Variants in PSG4 observed in about 807,000 individuals in gnomAD.
The protein encoded by PSG4 is pregnancy specific beta-1-glycoprotein 4, also known as pregnancy-specific beta-1-glycoprotein 4.
A neutral mutation model predicts 44.3 loss-of-function variants in PSG4; 61 were observed. That is an observed-to-expected ratio of 1.38 (90% CI 1.12 to 1.70). The LOEUF (loss-of-function observed/expected upper bound fraction) is 1.70, where lower values mean the gene tolerates loss of function less well. Ranked by LOEUF, PSG4 falls within the 40% of genes most tolerant of loss-of-function variation. PSG4 has a pLI of 0.00. For missense variants in PSG4, 677 were observed against 511.7 expected, an observed-to-expected ratio of 1.32 and a Z score of -3.12; for synonymous variants, 248 against 191.3, an observed-to-expected ratio of 1.30 and a Z score of -2.45.
At chr19:43,203,148 A>G (rs1263163790) in intron 2 of PSG4, 1 of 146,548 alleles carries the variant, frequency 6.8e-6, no homozygotes, top group Non-Finnish European at 1.5e-5. Context: ...CTTCCATGAG[A>G]AAACACCTTT....
chr19:43,196,791 T>G (rs911394153), intron 3 of PSG4: 3 of 151,190 alleles, frequency 2.0e-5, no homozygotes, highest in Non-Finnish European at 4.4e-5. Flanking sequence ...TGCCTCTTTT[T>G]CTCAGTGTTT....
intron 1 of PSG4, chr19:43,204,521 C>A: frequency 4.6e-6 from 2 of 433,770 alleles, no homozygotes; most frequent in Non-Finnish European, 7.7e-6. Context: ...TCCGCACGGC[C>A]CCCTCCACAC....
Position 43,197,327 on chromosome 19 carries a change from C to A in PSG4, c.709+670G>T, listed in dbSNP as rs918041069. Among the ~76,000 whole-genome samples, 5 of 145,562 alleles carry A rather than the reference C, an allele frequency of 3.4e-5. 2 individuals are homozygous for A. The highest frequency in any genetic ancestry group is 1.3e-4 in the African/African-American group (5 of 37,942). ...ACTGGAAAACATATTGCCAATGCTC[C>A]AGGGATCCACTTACCAGGCACTATG... On this transcript the variant is annotated intron_variant, in intron 3 of 5. Coordinates refer to ENST00000405312, the MANE Select transcript of PSG4 (RefSeq NM_002780.5).
Position 43,204,108 on chromosome 19 carries a change from C to T in PSG4, c.208G>A (p.Gly70Arg), listed in dbSNP as rs1187669473. ...QNLAGYIWYKGQMTYLYHYIT... is the reference protein window; with the variant it reads ...QNLAGYIWYKRQMTYLYHYIT... ...TAATGGTAGAGGTATGTCATTTGCC[C>T]TTTGTACCAAATGTAGCCAGCAAGA... The change falls in exon 2 of 6, where the codon GGG becomes AGG. Residue 70 changes from glycine to arginine, a missense_variant. Gly to Arg is a moderately radical substitution (Grantham distance 125). Transcript: ENST00000405312. 1.3e-6 allele frequency: 2 copies of T among 1,587,062 alleles called. No homozygotes were observed. The highest frequency in any genetic ancestry group is 1.7e-6 in the Non-Finnish European group (2 of 1,171,490).
At chr19:43,194,099 T>C (rs1967122197) in intron 5 of PSG4, 1 of 1,279,924 alleles carries the variant, frequency 7.8e-7, no homozygotes, top group Non-Finnish European at 1.1e-6. Flanking sequence ...TTGTCAATTA[T>C]TTCAATGAAA....
intron 2 of PSG4, among the ~76,000 whole-genome samples, chr19:43,200,317 G>A (rs574837094): frequency 5.5e-5 from 8 of 144,576 alleles, no homozygotes; most frequent in Non-Finnish European, 1.0e-4. Context: ...CAACTGGTCC[G>A]CAACACCACC....
rs187640494 is a variant in PSG4 at position 43,199,834 on chromosome 19, G to A, written c.431-1559C>T. On this transcript the variant is annotated intron_variant, in intron 2 of 5. Coordinates refer to ENST00000405312, the MANE Select transcript of PSG4 (RefSeq NM_002780.5). ...AGTATTTCTCTTGAGACCAAAATAA[G>A]GTTTAGGTGTGCCGTGAATTCCAGC... 8.3e-4 allele frequency among the ~76,000 whole-genome samples: 121 copies of A among 145,606 alleles called. 25 individuals are homozygous for A. The East Asian group carries it at 0.021, about 25-fold the overall frequency.
chr19:43,204,881 C>G (rs1339098126), intron 1 of PSG4: 1 of 388,516 alleles, frequency 2.6e-6, no homozygotes. Context: ...TCATGTCCTG[C>G]TTATATTTTC....
At chr19:43,200,472 T>A (rs923077020) in intron 2 of PSG4, among the ~76,000 whole-genome samples, 1 of 145,680 alleles carries the variant, frequency 6.9e-6, no homozygotes, top group African/African-American at 2.6e-5. Flanking sequence ...TGAACTTTCC[T>A]GTTTCAGTTT....
At chr19:43,201,553 G>A (rs1240974926) in intron 2 of PSG4, among the ~76,000 whole-genome samples, 1 of 145,246 alleles carries the variant, frequency 6.9e-6, no homozygotes, top group Non-Finnish European at 1.5e-5. Flanking sequence ...TAATGGCTCA[G>A]CCAGTCATGT....
Position 43,194,298 on chromosome 19 carries a change from C to A in PSG4, c.1243+42G>T, listed in dbSNP as rs759650942. 8 of 1,611,490 alleles carry A rather than the reference C, an allele frequency of 5.0e-6. No individual in the cohort carries two copies. The East Asian group carries it at 1.8e-4, about 36-fold the overall frequency. ...CTCTTCCCTGAATGCCAGATAGACTCCACCTAAATCCCTATTGCCAAGGAT... is the reference window on the plus strand; with the variant it reads ...CTCTTCCCTGAATGCCAGATAGACTACACCTAAATCCCTATTGCCAAGGAT... On this transcript the variant is annotated intron_variant, in intron 5 of 5. Transcript: ENST00000405312.
At chr19:43,204,699 C>CCCCCCCCCG (rs58719697) in intron 1 of PSG4, 3 of 190,910 alleles carry the variant, frequency 1.6e-5, no homozygotes, top group African/African-American at 1.2e-4. Context: ...TGTCTTCCCC[C>CCCCCCCCCG]CACGATGACT....
At position 43,195,180 on chromosome 19, in the gene PSG4, T is replaced by C; in HGVS notation, c.803A>G (p.Asn268Ser). 2 of 1,609,966 alleles carry C rather than the reference T, an allele frequency of 1.2e-6. No individual in the cohort carries two copies. The highest frequency in any genetic ancestry group is 1.7e-6 in the Non-Finnish European group (2 of 1,178,826). Residue 268 changes from asparagine to serine, a missense_variant, in exon 4 of 6, where the codon AAC becomes AGC. Coordinates refer to ENST00000405312, the MANE Select transcript of PSG4 (RefSeq NM_002780.5). ...LTFTCEPKSK[N>S]YTYIWWLNGQ... ...ATTTAGCCACCAAATGTAGGTGTAG[T>C]TCTTACTCTTAGGTTCACAGGTGAA...
intron 4 of PSG4, 63 bp downstream of exon 4, chr19:43,194,932 T>G (rs2122293347): frequency 4.4e-6 from 7 of 1,591,844 alleles, no homozygotes; most frequent in Middle Eastern, 3.9e-4. Flanking sequence ...CTGAGAGACC[T>G]GGCCTCTGGT....
intron 5 of PSG4, 145 bp downstream of exon 5, chr19:43,194,195 T>C: frequency 6.4e-7 from 1 of 1,556,444 alleles, no homozygotes; most frequent in Non-Finnish European, 8.7e-7. Flanking sequence ...CTTAGACAAA[T>C]TGGGAGTGTT....
At position 43,204,326 on chromosome 19, in the gene PSG4, T is replaced by C. The variant is rs1457562724; in HGVS notation, c.65-75A>G. 8 of 1,428,010 alleles carry C rather than the reference T, an allele frequency of 5.6e-6. 1 individual carries two copies. The highest frequency in any genetic ancestry group is 7.5e-6 in the Non-Finnish European group (8 of 1,066,104). The allele number at this position is 1,428,010 out of a possible 1,614,324, so 88.5% of individuals were successfully genotyped here. A position where few individuals can be genotyped will look rare whatever the true frequency, so the allele number is the denominator to read the frequency against. On this transcript the variant is annotated intron_variant, in intron 1 of 5. Transcript: ENST00000405312. ...TGAAAAGATGGGTCCTGAGAAGGTCTCTTCAATCCTCAGCCTTGAAGACAC... is the reference window on the plus strand; with the variant it reads ...TGAAAAGATGGGTCCTGAGAAGGTCCCTTCAATCCTCAGCCTTGAAGACAC...
rs1967335648 is a variant in PSG4, at chr19:43,198,145, G to T, written c.561C>A (p.Leu187=). The T allele has an allele frequency of 6.3e-7, 1 of 1,587,808 alleles. No individual in the cohort carries two copies. The highest frequency in any genetic ancestry group is 1.4e-5 in the African/African-American group (1 of 69,606). Residue 187 remains leucine, a synonymous_variant, in exon 3 of 6, where the codon CTC becomes CTA. Transcript: ENST00000405312. The part of the protein sequence containing the change: ...SYQWWMNGQS[L]PMTHRLQLSK... ...ACAGCTGCAACCTGTGAGTCATAGG[G>T]AGGCTCTGACCATTCATCCACCACT...
rs1967296228 is a variant in PSG4 at position 43,197,366 on chromosome 19, T to A, written c.709+631A>T. Among the ~76,000 whole-genome samples the A allele has an allele frequency of 2.1e-5, 3 of 145,672 alleles. 1 individual carries two copies. The highest frequency in any genetic ancestry group is 1.4e-4 in the Admixed American group (2 of 14,650). ...CCAGGCACTATGATCCTCTTGATTA[T>A]GAGATTTGTTCCATCAGTGGCTGAG... On this transcript the variant is annotated intron_variant, in intron 3 of 5. Coordinates refer to ENST00000405312, the MANE Select transcript of PSG4 (RefSeq NM_002780.5).
At chr19:43,202,118 A>G (rs905597091) in intron 2 of PSG4, among the ~76,000 whole-genome samples, 3 of 145,914 alleles carry the variant, frequency 2.1e-5, no homozygotes, top group Non-Finnish European at 4.5e-5. Context: ...CAGACTAGTC[A>G]GAGGGAGTGT....
Sources: gnomAD v4.1 joint callset for allele counts (sites outside exome capture counted in the v4.1 genomes callset) on GRCh38, gnomAD v4.1.1 for gene constraint, MANE v1.5 for transcripts, NCBI Gene and HGNC (gene_info 2026-07-23, HGNC 2026-07-21) for gene names.